Variants in NEGR1 observed in about 807,000 individuals in gnomAD.
The protein encoded by NEGR1 is neuronal growth regulator 1.
NEGR1 carries 10 observed loss-of-function variants against 40.9 expected under a neutral mutation model. The observed-to-expected ratio is 0.24, with a 90% CI of 0.15 to 0.42. The LOEUF is 0.42. Among genes scored for constraint, NEGR1 ranks in the 10% least tolerant of loss-of-function variants. The probability of loss-of-function intolerance (pLI) is 1.00; values close to 1 mark genes in which losing one functional copy is unlikely to be tolerated. For synonymous variants in NEGR1, 185 were observed against 166.8 expected, an observed-to-expected ratio of 1.11 and a Z score of -0.84; for missense variants, 352 against 438.9, an observed-to-expected ratio of 0.80 and a Z score of 1.77.
chr1:71,548,661 C>A (rs1302802535), intron 6 of NEGR1, among the ~76,000 whole-genome samples: 1 of 151,524 alleles, frequency 6.6e-6, no homozygotes, highest in Non-Finnish European at 1.5e-5. Context: ...TAAAACATGC[C>A]GAGGCTGTGG....
At chr1:71,605,152 A>T (rs1345839724) in intron 5 of NEGR1, among the ~76,000 whole-genome samples, 1 of 152,192 alleles carries the variant, frequency 6.6e-6, no homozygotes, top group Non-Finnish European at 1.5e-5. Context: ...AGGAAAAGTA[A>T]GTAAAATACT....
intron 1 of NEGR1, among the ~76,000 whole-genome samples, chr1:72,053,892 C>T (rs1338261201): frequency 1.4e-5 from 2 of 138,922 alleles, no homozygotes; most frequent in African/African-American, 2.6e-5. Context: ...AAAAAAAAAA[C>T]TCACACATAT....
At chr1:72,093,324 T>C (rs78142927) in intron 1 of NEGR1, among the ~76,000 whole-genome samples, 6,331 of 63,474 alleles carry the variant, frequency 0.1, 411 homozygotes, top group East Asian at 0.4. Flanking sequence ...AGCTAGACTC[T>C]GCCTCAAAAA....
rs554414423 is a variant in NEGR1 at position 71,610,885 on chromosome 1, G to A, written c.788+141C>T. On this transcript the variant is annotated intron_variant, in intron 5 of 6. Coordinates refer to ENST00000357731, the MANE Select transcript of NEGR1 (RefSeq NM_173808.3). ...TTAGCTACTCATCCCTCCCACGTGG[G>A]CCCCTTCAGTTTGCTTGCTGGAGAG... 4 of 736,014 alleles carry A rather than the reference G, an allele frequency of 5.4e-6. No individual in the cohort carries two copies. The Admixed American group carries it at 9.1e-5, about 17-fold the overall frequency. The allele number at this position is 736,014 out of a possible 1,614,324, so 45.6% of individuals were successfully genotyped here.
chr1:71,597,468 C>G (rs371172180), intron 5 of NEGR1, among the ~76,000 whole-genome samples: 4,155 of 21,900 alleles, frequency 0.19, 220 homozygotes, highest in African/African-American at 0.24. Flanking sequence ...CTCTCTCTCT[C>G]TCTCTGTGTG....
intron 2 of NEGR1, chr1:71,798,250 T>A (rs1237262263): frequency 6.6e-6 from 1 of 151,914 alleles, no homozygotes; most frequent in African/African-American, 2.4e-5. Context: ...TCCCTACATT[T>A]AGCCTAAAGA....
chr1:72,280,135 G>A (rs1570219989), intron 1 of NEGR1, among the ~76,000 whole-genome samples: 1 of 152,108 alleles, frequency 6.6e-6, no homozygotes, highest in East Asian at 1.9e-4. Context: ...GAGGTACAGA[G>A]CACACAAAGT....
chr1:71,908,595 A>C (rs1389827031), intron 2 of NEGR1, among the ~76,000 whole-genome samples: 3 of 152,198 alleles, frequency 2.0e-5, no homozygotes, highest in African/African-American at 7.2e-5. Flanking sequence ...GGACAAAAAC[A>C]TACTGTAAAC....
intron 4 of NEGR1, among the ~76,000 whole-genome samples, chr1:71,637,808 T>G (rs535727756): frequency 6.6e-6 from 1 of 152,090 alleles, no homozygotes; most frequent in East Asian, 1.9e-4. Flanking sequence ...AGAGGTCACC[T>G]AACCCACGTT....
At chr1:71,834,031 G>A (rs1292199010) in intron 2 of NEGR1, among the ~76,000 whole-genome samples, 3 of 152,066 alleles carry the variant, frequency 2.0e-5, no homozygotes, top group Non-Finnish European at 4.4e-5. Context: ...AATGTTTGTT[G>A]AACAAATAAA....
intron 2 of NEGR1, among the ~76,000 whole-genome samples, chr1:71,882,207 T>G (rs993122763): frequency 6.6e-6 from 1 of 152,074 alleles, no homozygotes. Flanking sequence ...CAATTTAAAT[T>G]TGTTGACTTT....
chr1:71,460,377 A>G (rs1158661465), intron 6 of NEGR1, among the ~76,000 whole-genome samples: 1 of 152,108 alleles, frequency 6.6e-6, no homozygotes. Flanking sequence ...AGGGCACAAA[A>G]TTTAAGTAGG....
At chr1:71,996,132 C>G (rs1306073348) in intron 1 of NEGR1, among the ~76,000 whole-genome samples, 2 of 151,842 alleles carry the variant, frequency 1.3e-5, no homozygotes, top group Non-Finnish European at 2.9e-5. Context: ...TTTTTTGCAC[C>G]ACTGGATGTA....
At chr1:72,255,551 T>TTG (rs1655241882) in intron 1 of NEGR1, among the ~76,000 whole-genome samples, 1 of 139,140 alleles carries the variant, frequency 7.2e-6, no homozygotes, top group South Asian at 2.2e-4. Flanking sequence ...ATACTTCTTT[T>TTG]TTTTTTTTTT....
At chr1:71,829,859 T>C (rs991552075) in intron 2 of NEGR1, among the ~76,000 whole-genome samples, 1 of 151,978 alleles carries the variant, frequency 6.6e-6, no homozygotes, top group Non-Finnish European at 1.5e-5. Context: ...CAGGGAACTG[T>C]TAGGCACAGC....
intron 6 of NEGR1, among the ~76,000 whole-genome samples, chr1:71,545,108 C>A (rs1162940465): frequency 6.6e-6 from 1 of 151,564 alleles, no homozygotes; most frequent in Non-Finnish European, 1.5e-5. Flanking sequence ...GCCTGCCCCC[C>A]AACCAAAAAC....
intron 1 of NEGR1, among the ~76,000 whole-genome samples, chr1:72,224,203 GTCTA>G (rs1006519510): frequency 6.5e-4 from 44 of 67,632 alleles, no homozygotes; most frequent in Non-Finnish European, 2.1e-3. Flanking sequence ...AACATTTACT[GTCTA>G]AGTTCTAAAA....
intron 2 of NEGR1, among the ~76,000 whole-genome samples, chr1:71,828,537 C>G (rs186278742): frequency 4.6e-5 from 7 of 151,826 alleles, no homozygotes; most frequent in Non-Finnish European, 1.5e-5. Context: ...TCCTTTGTCT[C>G]GCTCTCTTTT....
chr1:72,091,980 A>T (rs977438765), intron 1 of NEGR1, among the ~76,000 whole-genome samples: 2 of 152,016 alleles, frequency 1.3e-5, no homozygotes, highest in African/African-American at 4.8e-5. Flanking sequence ...ACTTAACATT[A>T]CTTCTTTATA....
Sources: allele counts gnomAD v4.1 joint callset (sites outside exome capture counted in the v4.1 genomes callset), GRCh38; gene constraint gnomAD v4.1.1; transcripts MANE v1.5; gene names NCBI Gene and HGNC (gene_info 2026-07-23, HGNC 2026-07-21).